The following PALLD variants were observed in gnomAD, a reference collection of about 807,000 sequenced individuals.
PALLD encodes the protein palladin.
PALLD carries 61 observed loss-of-function variants against 123.5 expected under a neutral mutation model. The observed-to-expected ratio is 0.49, with a 90% CI of 0.40 to 0.61. The LOEUF (loss-of-function observed/expected upper bound fraction) is 0.61, where lower values mean the gene tolerates loss of function less well. Ranked by LOEUF, PALLD falls within the 20% of genes least tolerant of loss-of-function variation. The pLI, the probability that PALLD is intolerant of heterozygous loss-of-function variation, is 0.00. For synonymous variants in PALLD, 465 were observed against 496.4 expected (o/e 0.94, Z 0.84); for missense variants, 1,273 against 1,377.0 (o/e 0.92, Z 1.20).
chr4:168,864,783 A>T (rs756895451), intron 10 of PALLD, among the ~76,000 whole-genome samples: 1 of 152,166 alleles, frequency 6.6e-6, no homozygotes, highest in Non-Finnish European at 1.5e-5. Flanking sequence ...TATACTATAA[A>T]GTATTCTTCT....
chr4:168,548,046 A>C (rs11734364), intron 2 of PALLD, among the ~76,000 whole-genome samples: 1 of 152,102 alleles, frequency 6.6e-6, no homozygotes, highest in Non-Finnish European at 1.5e-5. Context: ...ACAAACAAAC[A>C]AACAAACAAA....
intron 2 of PALLD, among the ~76,000 whole-genome samples, chr4:168,584,993 A>C (rs907526762): frequency 1.3e-5 from 2 of 152,188 alleles, no homozygotes; most frequent in Admixed American, 6.5e-5. Flanking sequence ...ACCAGTTCCC[A>C]TATAACTGGT....
intron 10 of PALLD, among the ~76,000 whole-genome samples, chr4:168,841,679 C>T (rs1746061107): frequency 6.6e-6 from 1 of 152,192 alleles, no homozygotes; most frequent in Non-Finnish European, 1.5e-5. Flanking sequence ...GGGTAAGCTC[C>T]ATGCAGCCTC....
intron 10 of PALLD, among the ~76,000 whole-genome samples, chr4:168,716,740 G>A (rs1785404367): frequency 1.3e-5 from 2 of 152,146 alleles, no homozygotes; most frequent in Admixed American, 1.3e-4. Context: ...GCAATAATAA[G>A]CACTGCACAA....
intron 3 of PALLD, among the ~76,000 whole-genome samples, chr4:168,670,950 C>T (rs1780204290): frequency 6.6e-6 from 1 of 150,786 alleles, no homozygotes; most frequent in South Asian, 2.1e-4. Flanking sequence ...GCTGTAGTCC[C>T]AGCTACCCAG....
intron 10 of PALLD, among the ~76,000 whole-genome samples, chr4:168,889,050 C>A (rs1445421844): frequency 6.6e-6 from 1 of 151,848 alleles, no homozygotes; most frequent in African/African-American, 2.4e-5. Flanking sequence ...CTTAGCCTTA[C>A]TTGTGCTTTC....
chr4:168,837,151 C>T (rs886677544), intron 10 of PALLD, among the ~76,000 whole-genome samples: 1 of 152,156 alleles, frequency 6.6e-6, no homozygotes, highest in Admixed American at 6.5e-5. Flanking sequence ...CTGGCAGTAG[C>T]TGGCTTTGTG....
intron 10 of PALLD, among the ~76,000 whole-genome samples, chr4:168,723,469 G>A (rs1786226999): frequency 6.6e-6 from 1 of 152,204 alleles, no homozygotes; most frequent in Non-Finnish European, 1.5e-5. Flanking sequence ...AAGGTTTGAG[G>A]AAGCAGAGTT....
intron 10 of PALLD, among the ~76,000 whole-genome samples, chr4:168,799,336 A>G (rs1455635291): frequency 6.6e-6 from 1 of 152,186 alleles, no homozygotes; most frequent in East Asian, 1.9e-4. Context: ...GTTTGTTTTA[A>G]CAGACGTAGA....
At chr4:168,649,894 A>G (rs946409243) in intron 2 of PALLD, among the ~76,000 whole-genome samples, 2 of 152,226 alleles carry the variant, frequency 1.3e-5, no homozygotes, top group Non-Finnish European at 2.9e-5. Context: ...AAATATATAA[A>G]GTGGCCAGGC....
intron 10 of PALLD, among the ~76,000 whole-genome samples, chr4:168,740,739 A>T (rs1048961784): frequency 1.3e-5 from 2 of 152,364 alleles, no homozygotes; most frequent in East Asian, 3.9e-4. Context: ...ACTCTGCAAG[A>T]TTACCACAAC....
rs927644209 is a variant in PALLD at position 168,915,931 on chromosome 4, T to A, written c.2754T>A (p.Asn918Lys). The A allele has an allele frequency of 6.2e-7, 1 of 1,613,502 alleles. No homozygotes were observed. The highest frequency in any genetic ancestry group is 8.5e-7 in the Non-Finnish European group (1 of 1,179,428). The change falls in exon 17 of 22, where the codon AAT (asparagine) becomes AAA (lysine). Residue 918 changes from asparagine to lysine, a missense_variant. Coordinates refer to ENST00000505667, the MANE Select transcript of PALLD (RefSeq NM_001166108.2). The stretch of plus-strand genomic sequence containing the variant: ...GATCAAGGGACAGTGGAGACGAAAA[T>A]GAACCAATTCAGGAGCGATTCTTCA... ...RSRSRDSGDE[N>K]EPIQERFFRP... is the part of the protein sequence containing the mutation.
At chr4:168,501,693 G>A (rs971816479) in intron 1 of PALLD, among the ~76,000 whole-genome samples, 8 of 152,120 alleles carry the variant, frequency 5.3e-5, no homozygotes, top group Non-Finnish European at 7.3e-5. Context: ...AGAGCGCCAT[G>A]AGGTGACATG....
intron 2 of PALLD, among the ~76,000 whole-genome samples, chr4:168,608,896 A>G (rs1382434431): frequency 6.8e-6 from 1 of 147,604 alleles, no homozygotes; most frequent in East Asian, 2.0e-4. Flanking sequence ...CACTGGAATC[A>G]TTGCAGTTTT....
chr4:168,888,612 G>T (rs914308021), intron 10 of PALLD, among the ~76,000 whole-genome samples: 1 of 152,162 alleles, frequency 6.6e-6, no homozygotes, highest in Admixed American at 6.5e-5. Flanking sequence ...AGAGATGAGA[G>T]AATTTTAACT....
chr4:168,747,056 C>A, intron 10 of PALLD, among the ~76,000 whole-genome samples: 1 of 152,086 alleles, frequency 6.6e-6, no homozygotes, highest in African/African-American at 2.4e-5. Context: ...GAAATGATGC[C>A]TGTTTCTTAT....
chr4:168,925,715 T>G (rs1276828630), intron 21 of PALLD, among the ~76,000 whole-genome samples: 1 of 152,192 alleles, frequency 6.6e-6, no homozygotes, highest in Non-Finnish European at 1.5e-5. Context: ...TAAGAATTTA[T>G]TTAAGAATTT....
At chr4:168,569,873 T>G (rs1768794969) in intron 2 of PALLD, among the ~76,000 whole-genome samples, 1 of 152,284 alleles carries the variant, frequency 6.6e-6, no homozygotes, top group Admixed American at 6.5e-5. Flanking sequence ...GACTGATGGC[T>G]TTTGAAAAAT....
At position 168,764,441 on chromosome 4, in the gene PALLD, A is replaced by G. The variant is rs999990640; in HGVS notation, c.1964+52518A>G. Among the ~76,000 whole-genome samples, 10 of 152,234 alleles carry G rather than the reference A, an allele frequency of 6.6e-5. 1 individual carries two copies. The highest frequency in any genetic ancestry group is 4.6e-4 in the Admixed American group (7 of 15,290). ...ATTTTTTTAGAAACAGGATCTTTCT[A>G]TGTTGTCCAGGCTGGAGCACAATAG... is the stretch of plus-strand genomic sequence containing the variant. On this transcript the variant is annotated intron_variant, in intron 10 of 21. Coordinates refer to ENST00000505667, the MANE Select transcript of PALLD (RefSeq NM_001166108.2).
Sources: allele counts gnomAD v4.1 joint callset (sites outside exome capture counted in the v4.1 genomes callset), GRCh38; gene constraint gnomAD v4.1.1; transcripts MANE v1.5; gene names NCBI Gene and HGNC (gene_info 2026-07-23, HGNC 2026-07-21).